NHSL1: variants seen among roughly 807,000 people sequenced by gnomAD.
NHSL1 encodes the protein NHS-like protein 1.
In NHSL1, 48 loss-of-function variants were observed where a neutral mutation model predicts 95.0. That is an observed-to-expected ratio of 0.51 (90% CI 0.40 to 0.64). The LOEUF is 0.64. Ranked by LOEUF, NHSL1 falls within the 30% of genes least tolerant of loss-of-function variation. The pLI is 0.00. For missense variants in NHSL1, 1,971 were observed against 2,077.7 expected, an observed-to-expected ratio of 0.95 and a Z score of 1.00; for synonymous variants, 783 against 833.9, an observed-to-expected ratio of 0.94 and a Z score of 1.05.
chr6:138,640,883 A>G (rs1474886017), intron 1 of NHSL1, among the ~76,000 whole-genome samples: 2 of 152,200 alleles, frequency 1.3e-5, no homozygotes, highest in African/African-American at 4.8e-5. Flanking sequence ...ATCCATTACC[A>G]GACTGAATTC....
chr6:138,522,149 G>A (rs1781710170), intron 1 of NHSL1, among the ~76,000 whole-genome samples: 1 of 152,224 alleles, frequency 6.6e-6, no homozygotes, highest in Non-Finnish European at 1.5e-5. Flanking sequence ...ATGCACTGAA[G>A]AGGAGGTGAG....
At chr6:138,507,301 G>T (rs1029049220) in intron 1 of NHSL1, among the ~76,000 whole-genome samples, 1 of 152,158 alleles carries the variant, frequency 6.6e-6, no homozygotes, top group Non-Finnish European at 1.5e-5. Flanking sequence ...GGAAATAAAA[G>T]AGCTGGAAGA....
At chr6:138,444,056 G>A (rs1030223066) in intron 4 of NHSL1, among the ~76,000 whole-genome samples, 1 of 152,128 alleles carries the variant, frequency 6.6e-6, no homozygotes, top group Non-Finnish European at 1.5e-5. Context: ...TGTGATGCAT[G>A]TACTTTAGCA....
exon 1 of NHSL1, chr6:138,571,978 G>T: frequency 2.2e-6 from 3 of 1,353,478 alleles, no homozygotes; most frequent in Non-Finnish European, 3.1e-6. Flanking sequence ...TTTTTGCGTT[G>T]GCCCAGGTCC....
intron 1 of NHSL1, among the ~76,000 whole-genome samples, chr6:138,673,833 T>TTTG (rs1196029439): frequency 6.6e-6 from 1 of 152,250 alleles, no homozygotes; most frequent in African/African-American, 2.4e-5. Flanking sequence ...AACATGTACT[T>TTTG]TACCAAAAGC....
chr6:138,631,198 T>C (rs993401870), intron 1 of NHSL1, among the ~76,000 whole-genome samples: 1 of 152,168 alleles, frequency 6.6e-6, no homozygotes, highest in African/African-American at 2.4e-5. Flanking sequence ...AATCACCGAT[T>C]CCAGCGGTCA....
At chr6:138,460,883 G>A (rs1386264552) in intron 3 of NHSL1, among the ~76,000 whole-genome samples, 2 of 151,412 alleles carry the variant, frequency 1.3e-5, no homozygotes, top group Non-Finnish European at 2.9e-5. Context: ...TCCATAGCAC[G>A]ACCCATCCAA....
chr6:138,499,305 C>T lies in NHSL1; in HGVS notation c.-15G>A. The T allele has an allele frequency of 6.4e-7, 1 of 1,550,514 alleles. No homozygotes were observed. The highest frequency in any genetic ancestry group is 1.2e-5 in the South Asian group (1 of 84,028). On this transcript the variant is annotated 5_prime_UTR_variant, in exon 1 of 8. An upstream start codon of the reference 5' UTR is lost. Transcript: ENST00000343505. Reference sequence around the variant, plus strand: ...AAGACCACCATTTCCAGGGCACCTACATAGAGCTTAGAAATGTAAATCACA... The same window carrying T: ...AAGACCACCATTTCCAGGGCACCTATATAGAGCTTAGAAATGTAAATCACA...
intron 1 of NHSL1, among the ~76,000 whole-genome samples, chr6:138,514,318 AAAACAAAC>A (rs59958557): frequency 7.3e-5 from 11 of 149,698 alleles, no homozygotes; most frequent in Non-Finnish European, 1.3e-4. Flanking sequence ...ACTCCATCTC[AAAACAAAC>A]AAACAAACAA....
chr6:138,557,704 T>C (rs1475352820), intron 1 of NHSL1, among the ~76,000 whole-genome samples: 2 of 152,210 alleles, frequency 1.3e-5, no homozygotes, highest in African/African-American at 4.8e-5. Flanking sequence ...TGAAGTGTCA[T>C]GAAGAGTGTG....
At chr6:138,581,031 C>T (rs1303500984) in intron 1 of NHSL1, among the ~76,000 whole-genome samples, 4 of 152,224 alleles carry the variant, frequency 2.6e-5, no homozygotes, top group Admixed American at 6.5e-5. Context: ...AGAACTGGAT[C>T]TTCCCTAGAA....
chr6:138,573,333 G>A (rs1215777824), upstream of NHSL1, among the ~76,000 whole-genome samples: 1 of 152,118 alleles, frequency 6.6e-6, no homozygotes, highest in East Asian at 1.9e-4. Flanking sequence ...GACTTGGGTC[G>A]GCATCTCCTT....
In NHSL1 at chr6:138,433,036, C is replaced by G; in HGVS notation, c.1309G>C (p.Glu437Gln). Residue 437 changes from glutamate to glutamine, a missense_variant, in exon 6 of 8, where the codon GAA becomes CAA. Around this residue, in one of 3 missense-constraint regions of NHSL1, gnomAD observed 1,602 missense variants for 1,654.5 expected, o/e 0.97. Coordinates refer to ENST00000343505, the MANE Select transcript of NHSL1 (RefSeq NM_001144060.2). ...TGTGATGAGCCAGAACTTTTACTTT[C>G]CCGCTGTCCCGCACTCTGAGCAGTG... The part of the protein sequence containing the change: ...IPTAQSAGQR[E>Q]SKSSGSSHAR... 1.3e-6 allele frequency: 2 copies of G among 1,551,590 alleles called. No homozygotes were observed. Among genetic ancestry groups the G allele is most frequent in the Non-Finnish European group, 8.7e-7 (1 of 1,146,980 alleles).
In NHSL1 at chr6:138,510,542, C is replaced by G. The variant is rs369281720; in HGVS notation, c.17-14171G>C. 2.6e-4 allele frequency among the ~76,000 whole-genome samples: 40 copies of G among 152,260 alleles called. No homozygotes were observed. In the Middle Eastern group the frequency reaches 0.017, roughly 65 times the overall value. The stretch of plus-strand genomic sequence containing the variant: ...TCTCCAAACAGCAAAATCACAGGTT[C>G]TTATGAAGCATGAGTGCTACAAGGG... On this transcript the variant is annotated intron_variant, in intron 1 of 4. Transcript: ENST00000342260.
intron 4 of NHSL1, among the ~76,000 whole-genome samples, chr6:138,443,062 C>CATAT (rs59676999): frequency 5.5e-5 from 8 of 145,152 alleles, no homozygotes; most frequent in African/African-American, 1.6e-4. Flanking sequence ...TACACACACA[C>CATAT]ATATATATAT....
chr6:138,642,828 G>A (rs957159241), intron 1 of NHSL1, among the ~76,000 whole-genome samples: 1 of 152,058 alleles, frequency 6.6e-6, no homozygotes, highest in East Asian at 1.9e-4. Flanking sequence ...AAGGGCGGTG[G>A]GTCGCTGGGG....
intron 1 of NHSL1, among the ~76,000 whole-genome samples, chr6:138,661,125 A>G (rs758064027): frequency 1.3e-5 from 2 of 152,178 alleles, no homozygotes; most frequent in Non-Finnish European, 2.9e-5. Flanking sequence ...TACTTTTTTT[A>G]TGTATGTGTA....
Position 138,430,349 on chromosome 6 carries a change from T to G in NHSL1, c.3952+44A>C. ...CAACCCTATCTGGTTCAGCTGCATATGGGCAGAGGGCACAGGAGAGAGAAG... is the reference window on the plus strand; with the variant it reads ...CAACCCTATCTGGTTCAGCTGCATAGGGGCAGAGGGCACAGGAGAGAGAAG... On this transcript the variant is annotated intron_variant, in intron 6 of 7. Coordinates refer to ENST00000343505, the MANE Select transcript of NHSL1 (RefSeq NM_001144060.2). The surrounding 1 kb of genome is among the most constrained non-coding windows in gnomAD (Gnocchi z 4.7). 7.0e-7 allele frequency: 1 copy of G among 1,436,336 alleles called. No individual in the cohort carries two copies. The highest frequency in any genetic ancestry group is 9.2e-7 in the Non-Finnish European group (1 of 1,090,978). 89.0% of individuals were successfully genotyped at this position (1,436,336 alleles called of 1,614,324 possible). A position where few individuals can be genotyped will look rare whatever the true frequency, so the allele number is the denominator to read the frequency against.
chr6:138,497,239 C>T (rs1030557944), intron 1 of NHSL1, among the ~76,000 whole-genome samples: 11 of 152,234 alleles, frequency 7.2e-5, no homozygotes, highest in South Asian at 4.1e-4. Context: ...AAAATGAGGC[C>T]GACAGCACCA....
Sources: gnomAD v4.1 joint callset for allele counts (sites outside exome capture counted in the v4.1 genomes callset) on GRCh38, gnomAD v4.1.1 for gene constraint, gnomAD v4.1.1 regional missense constraint, Gnocchi (gnomAD v3.1) non-coding constraint, MANE v1.5 for transcripts, NCBI Gene and HGNC (gene_info 2026-07-23, HGNC 2026-07-21) for gene names.